Variants in KCNC1 observed in about 807,000 individuals in gnomAD.
KCNC1 encodes the protein potassium voltage-gated channel subfamily C member 1.
A neutral mutation model predicts 43.4 loss-of-function variants in KCNC1; 8 were observed. The observed-to-expected ratio is 0.18, with a 90% CI of 0.11 to 0.33. The LOEUF is 0.33. Among genes scored for constraint, KCNC1 ranks in the 10% least tolerant of loss-of-function variants. KCNC1 has a pLI of 1.00. For synonymous variants in KCNC1, 361 were observed against 360.5 expected, an observed-to-expected ratio of 1.00 and a Z score of -0.01; for missense variants, 420 against 836.0, an observed-to-expected ratio of 0.50 and a Z score of 6.14.
intron 1 of KCNC1, among the ~76,000 whole-genome samples, chr11:17,744,896 G>A (rs1279348975): frequency 6.6e-6 from 1 of 152,072 alleles, no homozygotes; most frequent in Non-Finnish European, 1.5e-5. Context: ...TCAGGGAGGG[G>A]GAGAATGTTC....
At position 17,776,751 on chromosome 11, in the gene KCNC1, G is replaced by A; in HGVS notation, c.1505-2705G>A. 2 of 985,426 alleles carry A rather than the reference G, an allele frequency of 2.0e-6. No homozygotes were observed. Among genetic ancestry groups the A allele is most frequent in the Non-Finnish European group, 2.4e-6 (2 of 829,966 alleles). 61.0% of individuals were successfully genotyped at this position (985,426 alleles called of 1,614,324 possible). A position where few individuals can be genotyped will look rare whatever the true frequency, so the allele number is the denominator to read the frequency against. ...ATCCAAAGGATGGGGCAGGGGCGGG[G>A]GCTCACACCTTTGACCCTATTCATG... On this transcript the variant is annotated intron_variant, in intron 2 of 3. Transcript: ENST00000265969. The surrounding 1 kb of genome is among the most constrained non-coding windows in gnomAD (Gnocchi z 4.4).
At chr11:17,775,055 G>A (rs891282816) in intron 2 of KCNC1, 2 of 985,398 alleles carry the variant, frequency 2.0e-6, no homozygotes, top group African/African-American at 3.5e-5. Flanking sequence ...ATGGGCATAG[G>A]GTTGGGGTGA....
At chr11:17,758,107 A>T (rs73424009) in intron 1 of KCNC1, among the ~76,000 whole-genome samples, 141 of 152,336 alleles carry the variant, frequency 9.3e-4, no homozygotes, top group African/African-American at 3.3e-3. Context: ...TTATCAGCTG[A>T]GTTTATGGAA....
rs1848748813 is a variant in KCNC1, at chr11:17,735,158, G to C, written c.-845G>C. 2 of 152,198 alleles carry C rather than the reference G, an allele frequency of 1.3e-5. No homozygotes were observed. The highest frequency in any genetic ancestry group is 1.3e-4 in the Admixed American group (2 of 15,276). 9.4% of individuals were successfully genotyped at this position (152,198 alleles called of 1,614,324 possible). On this transcript the variant is annotated 5_prime_UTR_variant, in exon 1 of 4. Transcript: ENST00000265969. This position sits in a 1 kb window ranked among gnomAD's most constrained non-coding sequence, Gnocchi z 6.7. ...GGAGCCCAAGTCCGAGCGCAGCCCA[G>C]CGGAACCCCAGCTCGAGCCCGGGCT...
chr11:17,738,761 C>T (rs969658001), intron 1 of KCNC1, among the ~76,000 whole-genome samples: 9 of 152,222 alleles, frequency 5.9e-5, no homozygotes. Flanking sequence ...AGTGAATGCT[C>T]ACTGAAGAGC....
At chr11:17,747,163 G>C (rs913724367) in intron 1 of KCNC1, among the ~76,000 whole-genome samples, 10 of 152,046 alleles carry the variant, frequency 6.6e-5, no homozygotes, top group African/African-American at 2.4e-4. Flanking sequence ...TGTCTACCAG[G>C]GGCAGACTTC....
In KCNC1 at chr11:17,773,382, G is replaced by T. The variant is rs1002642247; in HGVS notation, c.1504+784G>T. On this transcript the variant is annotated intron_variant, in intron 2 of 3. Coordinates refer to ENST00000265969, the MANE Select transcript of KCNC1 (RefSeq NM_001112741.2). This position sits in a 1 kb window ranked among gnomAD's most constrained non-coding sequence, Gnocchi z 4.1. ...GAGTTTCCGGTGACCCGATGGAAGC[G>T]GCTGCCGAGCAAAAGACTAGAGGGG... 2.0e-6 allele frequency: 2 copies of T among 985,364 alleles called. No homozygotes were observed. The highest frequency in any genetic ancestry group is 9.4e-5 in the South Asian group (2 of 21,264). The allele number at this position is 985,364 out of a possible 1,614,324, so 61.0% of individuals were successfully genotyped here.
Position 17,776,017 on chromosome 11 carries a change from G to A in KCNC1, c.1504+3419G>A. The A allele has an allele frequency of 2.0e-6, 2 of 985,426 alleles. No individual in the cohort carries two copies. The highest frequency in any genetic ancestry group is 2.4e-6 in the Non-Finnish European group (2 of 829,952). 61.0% of individuals were successfully genotyped at this position (985,426 alleles called of 1,614,324 possible). A position where few individuals can be genotyped will look rare whatever the true frequency, so the allele number is the denominator to read the frequency against. ...GGAGCTGGGCAGCGCTGACTAGGCG[G>A]CGGGTGGGGCTAAGAGAGTTTCTGC... On this transcript the variant is annotated intron_variant, in intron 2 of 3. Transcript: ENST00000265969. This position sits in a 1 kb window ranked among gnomAD's most constrained non-coding sequence, Gnocchi z 4.4.
chr11:17,756,076 G>T (rs773313436), intron 1 of KCNC1, among the ~76,000 whole-genome samples: 2 of 152,134 alleles, frequency 1.3e-5, no homozygotes, highest in Non-Finnish European at 2.9e-5. Flanking sequence ...AGATGCTGCT[G>T]GTGAGTCAGG....
At chr11:17,758,168 A>G (rs1849041605) in intron 1 of KCNC1, among the ~76,000 whole-genome samples, 1 of 152,238 alleles carries the variant, frequency 6.6e-6, no homozygotes, top group South Asian at 2.1e-4. Context: ...CATCTTCACC[A>G]GGAATAGATT....
chr11:17,763,672 AC>A lies in KCNC1; in HGVS notation c.571-7988del, dbSNP rs1252844559. Among the ~76,000 whole-genome samples, 3 of 88,012 alleles carry A rather than the reference AC, an allele frequency of 3.4e-5. No homozygotes were observed. The East Asian group carries it at 1.3e-3, about 37-fold the overall frequency. 57.7% of individuals were successfully genotyped at this position (88,012 alleles called of 152,430 possible). A position where few individuals can be genotyped will look rare whatever the true frequency, so the allele number is the denominator to read the frequency against. ...CCACACCACACGCAATAACACACAG[AC>A]CCCCACACATGCACAAATACACACC... On this transcript the variant is annotated intron_variant, in intron 1 of 3. Coordinates refer to ENST00000265969, the MANE Select transcript of KCNC1 (RefSeq NM_001112741.2).
At chr11:17,745,175 TC>T (rs1848883484) in intron 1 of KCNC1, among the ~76,000 whole-genome samples, 1 of 152,114 alleles carries the variant, frequency 6.6e-6, no homozygotes, top group Non-Finnish European at 1.5e-5. Context: ...AGGGCCAGCC[TC>T]AGGACACAGA....
chr11:17,781,522 G>A lies in KCNC1; in HGVS notation c.1694-148G>A, dbSNP rs1396719418. On this transcript the variant is annotated intron_variant, in intron 3 of 3. Coordinates refer to ENST00000265969, the MANE Select transcript of KCNC1 (RefSeq NM_001112741.2). The surrounding 1 kb of genome is among the most constrained non-coding windows in gnomAD (Gnocchi z 5.1). Reference sequence around the variant, plus strand: ...GGCGTGCTAGGCTGGCTCAGTGCATGGGCAAACCAAGCCAGCTGGAGAAGA... The same window carrying A: ...GGCGTGCTAGGCTGGCTCAGTGCATAGGCAAACCAAGCCAGCTGGAGAAGA... 7 of 645,188 alleles carry A rather than the reference G, an allele frequency of 1.1e-5. No individual in the cohort carries two copies. In the East Asian group the frequency reaches 1.7e-4, roughly 15 times the overall value. 40.0% of individuals were successfully genotyped at this position (645,188 alleles called of 1,614,324 possible).
At position 17,781,776 on chromosome 11, in the gene KCNC1, T is replaced by C; in HGVS notation, c.*42T>C. Reference sequence around the variant, plus strand: ...AGGACACTGGTGGCTATTAAGCATCTGGGTGGACCTGCAGCCCCTCCTCAC... The same window carrying C: ...AGGACACTGGTGGCTATTAAGCATCCGGGTGGACCTGCAGCCCCTCCTCAC... On this transcript the variant is annotated 3_prime_UTR_variant, in exon 4 of 4. Coordinates refer to ENST00000265969, the MANE Select transcript of KCNC1 (RefSeq NM_001112741.2). The surrounding 1 kb of genome is among the most constrained non-coding windows in gnomAD (Gnocchi z 5.1). 1 of 1,357,048 alleles carries C rather than the reference T, an allele frequency of 7.4e-7. No homozygotes were observed. The highest frequency in any genetic ancestry group is 1.0e-6 in the Non-Finnish European group (1 of 969,392). 84.1% of individuals were successfully genotyped at this position (1,357,048 alleles called of 1,614,324 possible). A position where few individuals can be genotyped will look rare whatever the true frequency, so the allele number is the denominator to read the frequency against.
chr11:17,767,477 G>C (rs907892244), intron 1 of KCNC1, among the ~76,000 whole-genome samples: 1 of 152,132 alleles, frequency 6.6e-6, no homozygotes, highest in African/African-American at 2.4e-5. Context: ...GCACATAGTA[G>C]GTCCTCAAGT....
At chr11:17,768,739 G>A (rs1374888953) in intron 1 of KCNC1, among the ~76,000 whole-genome samples, 2 of 152,110 alleles carry the variant, frequency 1.3e-5, no homozygotes, top group East Asian at 1.9e-4. Context: ...GGCACCGTTC[G>A]GTCATCCACA....
chr11:17,768,784 G>A (rs1849188168), intron 1 of KCNC1, among the ~76,000 whole-genome samples: 1 of 152,218 alleles, frequency 6.6e-6, no homozygotes, highest in Admixed American at 6.5e-5. Flanking sequence ...ACAAAGGCCA[G>A]GGCAGGGGGT....
intron 1 of KCNC1, among the ~76,000 whole-genome samples, chr11:17,763,854 C>A (rs1236734528): frequency 1.1e-4 from 16 of 145,534 alleles, no homozygotes; most frequent in African/African-American, 3.1e-4. Flanking sequence ...TCCACCTCCA[C>A]ACACACCCCA....
At chr11:17,758,888 A>C (rs551696486) in intron 1 of KCNC1, among the ~76,000 whole-genome samples, 2 of 152,322 alleles carry the variant, frequency 1.3e-5, no homozygotes, top group South Asian at 4.1e-4. Context: ...GTGGTAAGTG[A>C]GTATTGGCTT....
Sources: gnomAD v4.1 joint callset for allele counts (sites outside exome capture counted in the v4.1 genomes callset) on GRCh38, gnomAD v4.1.1 for gene constraint, Gnocchi (gnomAD v3.1) non-coding constraint, MANE v1.5 for transcripts, NCBI Gene and HGNC (gene_info 2026-07-23, HGNC 2026-07-21) for gene names.